The following CLK1 variants were observed in gnomAD, a reference collection of about 807,000 sequenced individuals.
CLK1 encodes dual specificity protein kinase CLK1.
CLK1 carries 40 observed loss-of-function variants against 60.9 expected under a neutral mutation model. That is an observed-to-expected ratio of 0.66 (90% CI 0.51 to 0.86). CLK1 has a LOEUF of 0.86. Ranked by LOEUF, CLK1 falls within the 40% of genes least tolerant of loss-of-function variation. The pLI is 0.00. For synonymous variants in CLK1, 203 were observed against 184.4 expected (o/e 1.10, Z -0.82); for missense variants, 563 against 606.1 (o/e 0.93, Z 0.75).
At chr2:200,855,166 C>A in intron 9 of CLK1, 80 bp from the exon 10 acceptor site, 1 of 1,040,010 alleles carries the variant, frequency 9.6e-7, no homozygotes, top group Non-Finnish European at 1.4e-6. Context: ...AACACTAATA[C>A]TTTAAAAAAA....
chr2:200,854,398 T>C (rs1190530317), intron 11 of CLK1, among the ~76,000 whole-genome samples: 1 of 151,808 alleles, frequency 6.6e-6, no homozygotes, highest in East Asian at 1.9e-4. Flanking sequence ...TAGGCGGGCG[T>C]GGTGGCGAGT....
intron 4 of CLK1, 131 bp downstream of exon 4, chr2:200,859,994 C>T: frequency 1.4e-6 from 2 of 1,442,240 alleles, no homozygotes; most frequent in Non-Finnish European, 9.1e-7. Flanking sequence ...TCCCCCCCAC[C>T]AAAAGAAATG....
At chr2:200,863,831 G>T (rs1245685115) in intron 1 of CLK1, among the ~76,000 whole-genome samples, 1 of 152,142 alleles carries the variant, frequency 6.6e-6, no homozygotes, top group Non-Finnish European at 1.5e-5. Context: ...TCTAGCCTGG[G>T]CGACAGAGCG....
At chr2:200,857,547 T>C (rs2039063935) in intron 7 of CLK1, 171 bp downstream of exon 7, 1 of 531,508 alleles carries the variant, frequency 1.9e-6, no homozygotes, top group Non-Finnish European at 3.2e-6. Flanking sequence ...TCCTACTTGC[T>C]GAATGAAATG....
chr2:200,862,169 C>G (rs761734824), intron 1 of CLK1, among the ~76,000 whole-genome samples: 1 of 152,110 alleles, frequency 6.6e-6, no homozygotes. Context: ...ACATTTTACC[C>G]CTGCCCTCCC....
At chr2:200,862,326 C>G (rs960480368) in intron 1 of CLK1, among the ~76,000 whole-genome samples, 1 of 152,188 alleles carries the variant, frequency 6.6e-6, no homozygotes, top group Non-Finnish European at 1.5e-5. Flanking sequence ...ATAGCCTTAA[C>G]TGATGACATT....
Position 200,857,305 on chromosome 2 carries a change from C to CA in CLK1, c.833-321dup, listed in dbSNP as rs745314491. 1.6e-3 allele frequency: 450 copies of CA among 278,422 alleles called. 1 individual carries two copies. The highest frequency in any genetic ancestry group is 2.4e-3 in the Middle Eastern group (2 of 824). The allele number at this position is 278,422 out of a possible 1,614,324, so 17.2% of individuals were successfully genotyped here. A position where few individuals can be genotyped will look rare whatever the true frequency, so the allele number is the denominator to read the frequency against. ...TGAACAACAAAGCGAGACTCCATTTCAAAAAACAAAAAAACCCAACAAAAA... is the reference window on the plus strand; with the variant it reads ...TGAACAACAAAGCGAGACTCCATTTCAAAAAAACAAAAAAACCCAACAAAAA... On this transcript the variant is annotated intron_variant, in intron 7 of 12. Transcript: ENST00000321356.
chr2:200,861,415 G>T lies in CLK1; in HGVS notation c.213C>A (p.Arg71=). 7 of 1,614,080 alleles carry T rather than the reference G, an allele frequency of 4.3e-6. No homozygotes were observed. Among genetic ancestry groups the T allele is most frequent in the Non-Finnish European group, 5.9e-6 (7 of 1,180,018 alleles). The change falls in exon 3 of 13, where the codon CGC becomes CGA. Residue 71 remains arginine, a synonymous_variant. Transcript: ENST00000321356. ...SINEKDYHSR[R]YIDEYRNDYT... Reference sequence around the variant, plus strand: ...AGTCATTTCTGTACTCATCAATGTAGCGTCGACTATGATAATCTTTCTCAT... The same window carrying T: ...AGTCATTTCTGTACTCATCAATGTATCGTCGACTATGATAATCTTTCTCAT...
intron 1 of CLK1, chr2:200,864,207 G>T: frequency 6.5e-7 from 1 of 1,549,592 alleles, no homozygotes. Context: ...GGCCGAAGCC[G>T]GCCTCCGCCC....
chr2:200,854,055 G>T (rs2038997282), intron 11 of CLK1, 62 bp from the exon 12 acceptor site: 3 of 1,093,442 alleles, frequency 2.7e-6, no homozygotes, highest in East Asian at 2.5e-5. Flanking sequence ...AGCTAGCAAA[G>T]GTATCAATTA....
rs1219564161 is a variant in CLK1 at position 200,855,070 on chromosome 2, T to C, written c.1074A>G (p.Gln358=). ...PEVILALGWS[Q]PCDVWSIGCI... is the part of the protein sequence containing the mutation. ...ATCCTATGCTCCAGACATCACATGG[T>C]TGGGACCACCCTAGGGCTGCAAAGC... is the stretch of plus-strand genomic sequence containing the variant. The change falls in exon 10 of 13, where the codon CAA becomes CAG. Residue 358 remains glutamine, a synonymous_variant. Coordinates refer to ENST00000321356, the MANE Select transcript of CLK1 (RefSeq NM_004071.4). The C allele has an allele frequency of 2.5e-6, 4 of 1,612,350 alleles. No individual in the cohort carries two copies. Among genetic ancestry groups the C allele is most frequent in the Non-Finnish European group, 2.5e-6 (3 of 1,179,396 alleles).
chr2:200,859,949 C>A, intron 4 of CLK1, 176 bp downstream of exon 4: 1 of 1,428,684 alleles, frequency 7.0e-7, no homozygotes. Flanking sequence ...TTCTATATAA[C>A]AAACATTACA....
chr2:200,864,043 C>T (rs2039187043), intron 1 of CLK1: 2 of 1,480,698 alleles, frequency 1.4e-6, no homozygotes, highest in Non-Finnish European at 1.8e-6. Context: ...TACGCCGACA[C>T]TTTCATCATT....
intron 1 of CLK1, among the ~76,000 whole-genome samples, chr2:200,863,849 A>G (rs1242536744): frequency 6.6e-6 from 1 of 152,166 alleles, no homozygotes; most frequent in Non-Finnish European, 1.5e-5. Flanking sequence ...GCGAGACTCC[A>G]AGAAAAGAAA....
intron 1 of CLK1, chr2:200,864,070 C>G (rs748259301): frequency 4.5e-6 from 7 of 1,542,678 alleles, no homozygotes; most frequent in Middle Eastern, 1.7e-4. Context: ...TAACTGTAAC[C>G]CCTACGGGTT....
intron 3 of CLK1, 73 bp from the exon 4 acceptor site, chr2:200,860,288 A>G (rs748653343): frequency 1.3e-4 from 212 of 1,598,248 alleles, no homozygotes; most frequent in Non-Finnish European, 1.8e-4. Context: ...AGGGCAGAAT[A>G]CGAAATTCAT....
intron 12 of CLK1, 75 bp from the exon 13 acceptor site, chr2:200,853,524 C>T (rs2038981790): frequency 7.7e-7 from 1 of 1,297,924 alleles, no homozygotes. Context: ...GTATAGTAAA[C>T]CATATATATA....
At chr2:200,860,761 A>AT (rs1412499294) in intron 3 of CLK1, 1 of 1,005,446 alleles carries the variant, frequency 9.9e-7, no homozygotes, top group Non-Finnish European at 1.2e-6. Context: ...CTCCATACTA[A>AT]TATATAACCC....
chr2:200,860,995 A>T, intron 3 of CLK1: 1 of 1,302,778 alleles, frequency 7.7e-7, no homozygotes, highest in Non-Finnish European at 9.7e-7. Flanking sequence ...AATTAAATCA[A>T]TTAACTCCCA....
Sources: allele counts gnomAD v4.1 joint callset (sites outside exome capture counted in the v4.1 genomes callset), GRCh38; gene constraint gnomAD v4.1.1; transcripts MANE v1.5; gene names NCBI Gene and HGNC (gene_info 2026-07-23, HGNC 2026-07-21).